The following ACBD6 variants were observed in gnomAD, a reference collection of about 807,000 sequenced individuals.
ACBD6 encodes the protein acyl-CoA binding domain containing 6, also known as acyl-CoA-binding domain-containing protein 6.
In ACBD6, 28 loss-of-function variants were observed where a neutral mutation model predicts 37.2. That is an observed-to-expected ratio of 0.75 (90% confidence interval 0.56 to 1.03). The LOEUF (loss-of-function observed/expected upper bound fraction) is 1.03. Ranked by LOEUF, ACBD6 falls within the 50% of genes least tolerant of loss-of-function variation. The probability of loss-of-function intolerance (pLI) is 0.00; values close to 1 mark genes in which losing one functional copy is unlikely to be tolerated. For synonymous variants in ACBD6, 113 were observed against 126.8 expected, an observed-to-expected ratio of 0.89 and a Z score of 0.73; for missense variants, 340 against 337.4, an observed-to-expected ratio of 1.01 and a Z score of -0.06.
rs373899685 is a variant in ACBD6, at chr1:180,455,919, C to G, written c.385-25657G>C. On this transcript the variant is annotated intron_variant, in intron 3 of 7. Coordinates refer to ENST00000367595, the MANE Select transcript of ACBD6 (RefSeq NM_032360.4). ...TGAACCTTGAAATCTTTTTTATCAT[C>G]TTTTATTATTGTCAGACTTATTCGA... 9.9e-5 allele frequency among the ~76,000 whole-genome samples: 15 copies of G among 152,270 alleles called. No homozygotes were observed. In the South Asian group the frequency reaches 3.1e-3, roughly 32 times the overall value.
intron 6 of ACBD6, among the ~76,000 whole-genome samples, chr1:180,388,315 G>T (rs771326705): frequency 1.3e-5 from 2 of 152,100 alleles, no homozygotes; most frequent in African/African-American, 4.8e-5. Context: ...TATGTCCAGG[G>T]TTTTAAATCT....
chr1:180,325,232 A>G (rs1009849878), intron 6 of ACBD6, among the ~76,000 whole-genome samples: 2 of 151,932 alleles, frequency 1.3e-5, no homozygotes, highest in African/African-American at 4.8e-5. Context: ...TAACTCTTAG[A>G]TTTGCCCTTT....
chr1:180,326,854 T>C (rs1451195840), intron 6 of ACBD6, among the ~76,000 whole-genome samples: 3 of 151,940 alleles, frequency 2.0e-5, no homozygotes, highest in East Asian at 1.9e-4. Context: ...ATCTGGGAGG[T>C]AGGCCGTGGA....
intron 4 of ACBD6, among the ~76,000 whole-genome samples, chr1:180,415,976 C>T (rs192762399): frequency 1.5e-3 from 233 of 152,054 alleles, no homozygotes; most frequent in African/African-American, 5.3e-3. Context: ...ATATGCTAGG[C>T]ACAGAGATAT....
Position 180,502,351 on chromosome 1 carries a change from G to T in ACBD6, c.-85C>A. On this transcript the variant is annotated 5_prime_UTR_variant, in exon 1 of 8. It adds an upstream start codon to the 5' untranslated region. Transcript: ENST00000367595. ...GCCGGCTTGGAGGCCTGGCCCACCA[G>T]TCTGGGTCGCGAGCCTGAGCTCCAG... The T allele has an allele frequency of 3.4e-6, 5 of 1,478,072 alleles. No individual in the cohort carries two copies. The highest frequency in any genetic ancestry group is 4.7e-6 in the Non-Finnish European group (5 of 1,075,026). 91.6% of individuals were successfully genotyped at this position (1,478,072 alleles called of 1,614,324 possible).
At chr1:180,496,410 A>C (rs1320836314) in intron 1 of ACBD6, among the ~76,000 whole-genome samples, 1 of 152,066 alleles carries the variant, frequency 6.6e-6, no homozygotes, top group Non-Finnish European at 1.5e-5. Flanking sequence ...ACTGTTCTTA[A>C]CTCATCCACA....
chr1:180,419,569 T>A (rs964744901), intron 4 of ACBD6, among the ~76,000 whole-genome samples: 3 of 152,206 alleles, frequency 2.0e-5, no homozygotes, highest in African/African-American at 4.8e-5. Flanking sequence ...ACCGACCCCC[T>A]GCATAGTCAA....
chr1:180,451,615 A>G (rs1406394581), intron 3 of ACBD6, among the ~76,000 whole-genome samples: 1 of 152,248 alleles, frequency 6.6e-6, no homozygotes, highest in Non-Finnish European at 1.5e-5. Flanking sequence ...TAATAAAAAA[A>G]GTCAGTCATA....
At chr1:180,496,679 A>G (rs1651752214) in intron 1 of ACBD6, among the ~76,000 whole-genome samples, 1 of 152,164 alleles carries the variant, frequency 6.6e-6, no homozygotes, top group South Asian at 2.1e-4. Flanking sequence ...ATTCATAACA[A>G]TTACCACCTC....
chr1:180,425,282 A>G (rs886908823), intron 4 of ACBD6, among the ~76,000 whole-genome samples: 14 of 152,336 alleles, frequency 9.2e-5, no homozygotes, highest in Non-Finnish European at 1.2e-4. Flanking sequence ...GAATAAATCC[A>G]TAACTCAAGT....
chr1:180,276,659 A>G (rs1299351304), intron 9 of ACBD6: 1 of 152,222 alleles, frequency 6.6e-6, no homozygotes, highest in African/African-American at 2.4e-5. Context: ...CACCCTTCTT[A>G]GCAGGCTGCT....
At chr1:180,395,006 T>C (rs1654206772) in intron 6 of ACBD6, among the ~76,000 whole-genome samples, 4 of 152,172 alleles carry the variant, frequency 2.6e-5, no homozygotes, top group African/African-American at 9.6e-5. Context: ...ATTAAAAATA[T>C]AATATACCAT....
intron 6 of ACBD6, among the ~76,000 whole-genome samples, chr1:180,378,006 G>A (rs1200460868): frequency 1.3e-5 from 2 of 151,148 alleles, no homozygotes; most frequent in African/African-American, 4.8e-5. Flanking sequence ...AGGAGAAACA[G>A]GATTTGCATA....
chr1:180,397,794 T>C (rs1255171314), intron 5 of ACBD6, among the ~76,000 whole-genome samples, 189 bp from the exon 6 acceptor site: 1 of 152,178 alleles, frequency 6.6e-6, no homozygotes, highest in Non-Finnish European at 1.5e-5. Flanking sequence ...GGCTCATGCC[T>C]GTAATCCCAG....
intron 6 of ACBD6, among the ~76,000 whole-genome samples, chr1:180,393,063 G>C (rs892698177): frequency 2.0e-5 from 3 of 152,136 alleles, no homozygotes; most frequent in African/African-American, 7.2e-5. Context: ...AAAAATCAAA[G>C]TTACTCAAGA....
chr1:180,444,107 T>A (rs1416699146), intron 3 of ACBD6, among the ~76,000 whole-genome samples: 1 of 152,148 alleles, frequency 6.6e-6, no homozygotes, highest in Non-Finnish European at 1.5e-5. Flanking sequence ...AAACCCAGCA[T>A]AATATTCCAT....
At chr1:180,358,891 A>G (rs1393203479) in intron 6 of ACBD6, among the ~76,000 whole-genome samples, 1 of 152,212 alleles carries the variant, frequency 6.6e-6, no homozygotes, top group South Asian at 2.1e-4. Flanking sequence ...GACCTCCTCT[A>G]TGCAGTCTTC....
chr1:180,348,242 C>A (rs1481449355), intron 6 of ACBD6, among the ~76,000 whole-genome samples: 1 of 152,164 alleles, frequency 6.6e-6, no homozygotes, highest in East Asian at 1.9e-4. Flanking sequence ...ACCTTGATGG[C>A]AATGAAAGTA....
At chr1:180,346,448 G>C (rs1033500464) in intron 6 of ACBD6, among the ~76,000 whole-genome samples, 6 of 152,186 alleles carry the variant, frequency 3.9e-5, no homozygotes, top group African/African-American at 1.4e-4. Flanking sequence ...CAGTGAATGT[G>C]ATGGGAAACC....
Sources: gnomAD v4.1 joint callset for allele counts (sites outside exome capture counted in the v4.1 genomes callset) on GRCh38, gnomAD v4.1.1 for gene constraint, MANE v1.5 for transcripts, NCBI Gene and HGNC (gene_info 2026-07-23, HGNC 2026-07-21) for gene names.